Variants in CERS6 observed in about 807,000 individuals in gnomAD.
The protein encoded by CERS6 is ceramide synthase 6.
A neutral mutation model predicts 56.8 loss-of-function variants in CERS6; 26 were observed. The ratio of observed to expected loss-of-function variants is 0.46; its 90% CI spans 0.34 to 0.63. The LOEUF (loss-of-function observed/expected upper bound fraction) is 0.63, where lower values mean the gene tolerates loss of function less well. CERS6 is among the 30% of genes least tolerant of loss of function. CERS6 has a pLI of 0.01. For synonymous variants in CERS6, 164 were observed against 173.3 expected (o/e 0.95, Z 0.42); for missense variants, 415 against 467.5 (o/e 0.89, Z 1.04).
At chr2:168,647,067 A>C (rs1268665547) in intron 4 of CERS6, among the ~76,000 whole-genome samples, 1 of 152,236 alleles carries the variant, frequency 6.6e-6, no homozygotes, top group Non-Finnish European at 1.5e-5. Flanking sequence ...AGTTCTGTGA[A>C]GAATGTCATT....
chr2:168,545,720 G>T (rs532136210), intron 1 of CERS6, among the ~76,000 whole-genome samples: 90 of 152,322 alleles, frequency 5.9e-4, no homozygotes, highest in African/African-American at 2.0e-3. Flanking sequence ...ACCCCCTCCT[G>T]TGTATGCACA....
At chr2:168,519,012 C>T (rs13413079) in intron 1 of CERS6, among the ~76,000 whole-genome samples, 45,766 of 152,030 alleles carry the variant, frequency 0.3, 7,399 homozygotes, top group African/African-American at 0.41. Flanking sequence ...GTCAGTGCCC[C>T]GGTCCCACTT....
chr2:168,561,125 G>A (rs1574066656), intron 2 of CERS6, 67 bp from the exon 3 acceptor site: 1 of 1,540,930 alleles, frequency 6.5e-7, no homozygotes. Flanking sequence ...TATAGACAAG[G>A]GCAGATCTGT....
chr2:168,501,812 C>T (rs1202108366), intron 1 of CERS6, among the ~76,000 whole-genome samples: 4 of 152,158 alleles, frequency 2.6e-5, no homozygotes, highest in Admixed American at 6.5e-5. Context: ...GCTGGTGAAA[C>T]GAGTTCCCCT....
intron 4 of CERS6, among the ~76,000 whole-genome samples, chr2:168,646,664 G>A (rs1213479239): frequency 1.3e-5 from 2 of 152,112 alleles, no homozygotes; most frequent in Non-Finnish European, 2.9e-5. Flanking sequence ...GGTTTTTATA[G>A]TTTTGTGTTT....
chr2:168,723,850 A>G (rs567597240), intron 8 of CERS6, among the ~76,000 whole-genome samples: 1 of 152,346 alleles, frequency 6.6e-6, no homozygotes, highest in Admixed American at 6.5e-5. Flanking sequence ...CTGTAACAAC[A>G]TTCTTCTTCC....
intron 8 of CERS6, among the ~76,000 whole-genome samples, chr2:168,762,930 A>T (rs1055346909): frequency 3.3e-5 from 5 of 152,150 alleles, no homozygotes; most frequent in African/African-American, 1.2e-4. Flanking sequence ...GCTGGAGTGC[A>T]GTGGCACAAT....
At chr2:168,518,572 C>A (rs1574038188) in intron 1 of CERS6, among the ~76,000 whole-genome samples, 2 of 152,060 alleles carry the variant, frequency 1.3e-5, no homozygotes, top group East Asian at 3.9e-4. Context: ...TTTTTCCTGC[C>A]CTTATATGAC....
intron 3 of CERS6, among the ~76,000 whole-genome samples, chr2:168,587,145 G>A (rs201313042): frequency 5.2e-4 from 1 of 1,930 alleles, no homozygotes; most frequent in African/African-American, 1.3e-3. Flanking sequence ...TGCCAGTGCA[G>A]CTGGGCTGAG....
intron 4 of CERS6, among the ~76,000 whole-genome samples, chr2:168,631,832 A>ATTTTT (rs1684751394): frequency 7.6e-6 from 1 of 131,286 alleles, no homozygotes; most frequent in Non-Finnish European, 1.5e-5. Context: ...ATTATATAAT[A>ATTTTT]TATATTATAT....
intron 3 of CERS6, among the ~76,000 whole-genome samples, chr2:168,580,977 A>T (rs541759584): frequency 1.3e-5 from 2 of 150,588 alleles, no homozygotes; most frequent in South Asian, 4.2e-4. Flanking sequence ...ATTCCTCTCG[A>T]GATTCTCTGG....
chr2:168,688,139 G>A (rs1015855598), intron 4 of CERS6, among the ~76,000 whole-genome samples: 6 of 152,112 alleles, frequency 3.9e-5, no homozygotes, highest in Admixed American at 6.5e-5. Context: ...TTTATTATTA[G>A]TTAGGGCTTA....
At chr2:168,758,055 C>T (rs1684466143) in intron 8 of CERS6, among the ~76,000 whole-genome samples, 1 of 152,164 alleles carries the variant, frequency 6.6e-6, no homozygotes, top group African/African-American at 2.4e-5. Context: ...TTTAAATGCC[C>T]ACTTTTTTTG....
chr2:168,758,806 T>C (rs1043367753), intron 8 of CERS6, among the ~76,000 whole-genome samples: 2 of 152,188 alleles, frequency 1.3e-5, no homozygotes, highest in African/African-American at 4.8e-5. Context: ...GAAGGTCTTT[T>C]TACACTGCGC....
intron 1 of CERS6, among the ~76,000 whole-genome samples, chr2:168,513,273 A>C (rs1251589778): frequency 6.6e-6 from 1 of 152,212 alleles, no homozygotes; most frequent in East Asian, 1.9e-4. Context: ...AGCCCATGTT[A>C]CAATTTATGA....
chr2:168,491,065 G>A (rs536896696), intron 1 of CERS6, among the ~76,000 whole-genome samples: 1 of 152,320 alleles, frequency 6.6e-6, no homozygotes, highest in South Asian at 2.1e-4. Context: ...AGCAAGGAGT[G>A]CCAAAGAGGT....
chr2:168,663,545 G>A (rs1177759587), intron 4 of CERS6, among the ~76,000 whole-genome samples: 1 of 152,138 alleles, frequency 6.6e-6, no homozygotes, highest in Non-Finnish European at 1.5e-5. Flanking sequence ...ACAGAGCCCA[G>A]CCCCTATAAT....
chr2:168,613,472 G>A (rs1225643316), intron 3 of CERS6, among the ~76,000 whole-genome samples: 1 of 152,218 alleles, frequency 6.6e-6, no homozygotes, highest in African/African-American at 2.4e-5. Flanking sequence ...GAGCACAGCA[G>A]CAGTGATCCA....
intron 4 of CERS6, among the ~76,000 whole-genome samples, chr2:168,636,647 G>C (rs910186920): frequency 1.2e-4 from 19 of 152,174 alleles, no homozygotes; most frequent in African/African-American, 4.6e-4. Context: ...TTACAAATAG[G>C]TAAACATCTG....
Sources: allele counts gnomAD v4.1 joint callset (sites outside exome capture counted in the v4.1 genomes callset), GRCh38; gene constraint gnomAD v4.1.1; transcripts MANE v1.5; gene names NCBI Gene and HGNC (gene_info 2026-07-23, HGNC 2026-07-21).